SFRP1: variants seen among roughly 807,000 people sequenced by gnomAD.
SFRP1 encodes secreted frizzled-related protein 1.
Under a neutral mutation model 25.9 loss-of-function variants are expected in SFRP1, and 9 were observed. The ratio of observed to expected loss-of-function variants is 0.35; its 90% CI spans 0.21 to 0.61. The LOEUF is 0.61. Ranked by LOEUF, SFRP1 falls within the 20% of genes least tolerant of loss-of-function variation. The pLI is 0.78. For missense variants in SFRP1, 346 were observed against 418.2 expected (o/e 0.83, Z 1.51); for synonymous variants, 178 against 174.0 (o/e 1.02, Z -0.18).
At chr8:41,302,066 A>T (rs1437717842) in intron 2 of SFRP1, among the ~76,000 whole-genome samples, 1 of 152,238 alleles carries the variant, frequency 6.6e-6, no homozygotes, top group Non-Finnish European at 1.5e-5. Flanking sequence ...CTCATGTATT[A>T]CATTTATTTA....
chr8:41,271,782 T>C (rs1186690106), intron 2 of SFRP1, among the ~76,000 whole-genome samples: 1 of 151,296 alleles, frequency 6.6e-6, no homozygotes, highest in Non-Finnish European at 1.5e-5. Flanking sequence ...CTGGGCAATA[T>C]AGTGAGACCC....
chr8:41,281,918 T>A (rs1028851142), intron 2 of SFRP1, among the ~76,000 whole-genome samples: 1 of 152,210 alleles, frequency 6.6e-6, no homozygotes, highest in Non-Finnish European at 1.5e-5. Flanking sequence ...TCGTGCCTCA[T>A]GGTCAACAAA....
At chr8:41,304,625 C>T (rs749302003) in intron 1 of SFRP1, among the ~76,000 whole-genome samples, 6 of 152,134 alleles carry the variant, frequency 3.9e-5, no homozygotes, top group Non-Finnish European at 8.8e-5. Flanking sequence ...GCTCTTCATC[C>T]TCCTCCACCA....
chr8:41,305,860 T>C (rs1803989660), intron 1 of SFRP1, among the ~76,000 whole-genome samples: 1 of 152,142 alleles, frequency 6.6e-6, no homozygotes, highest in South Asian at 2.1e-4. Flanking sequence ...CCCCACAATC[T>C]TCCCTGGCCA....
chr8:41,288,755 T>C (rs181073876), intron 2 of SFRP1, among the ~76,000 whole-genome samples: 10 of 152,294 alleles, frequency 6.6e-5, no homozygotes, highest in Admixed American at 6.5e-5. Context: ...TTCTGAGTTT[T>C]AGAAAGTAAC....
chr8:41,286,330 GGC>G (rs1803700742), intron 2 of SFRP1, among the ~76,000 whole-genome samples: 1 of 152,228 alleles, frequency 6.6e-6, no homozygotes, highest in Non-Finnish European at 1.5e-5. Context: ...CCTGTTCCGA[GGC>G]AGGGGCGGTT....
At chr8:41,305,429 G>A (rs544310669) in intron 1 of SFRP1, among the ~76,000 whole-genome samples, 4 of 152,214 alleles carry the variant, frequency 2.6e-5, no homozygotes, top group African/African-American at 4.8e-5. Flanking sequence ...GCAGGAGCTC[G>A]TTGGGGTGGG....
chr8:41,294,150 C>A (rs1436690850), intron 2 of SFRP1, among the ~76,000 whole-genome samples: 2 of 152,102 alleles, frequency 1.3e-5, no homozygotes, highest in Admixed American at 1.3e-4. Context: ...GTGAGCACAG[C>A]GGGCTGGCAC....
chr8:41,295,491 T>G (rs987839195), intron 2 of SFRP1, among the ~76,000 whole-genome samples: 2 of 150,040 alleles, frequency 1.3e-5, no homozygotes, highest in Non-Finnish European at 1.5e-5. Context: ...ATCACACCAC[T>G]GCACACCAGC....
intron 2 of SFRP1, among the ~76,000 whole-genome samples, chr8:41,274,546 T>G (rs1328381836): frequency 6.6e-6 from 1 of 152,200 alleles, no homozygotes; most frequent in Non-Finnish European, 1.5e-5. Context: ...GCAAGAGAGA[T>G]AAATCTTTAA....
intron 1 of SFRP1, chr8:41,306,636 A>C: frequency 6.7e-7 from 1 of 1,486,766 alleles, no homozygotes; most frequent in East Asian, 2.4e-5. Context: ...ACTGAGGGGA[A>C]AACCAGTCCC....
At chr8:41,298,718 A>G (rs900077050) in intron 2 of SFRP1, among the ~76,000 whole-genome samples, 1 of 152,148 alleles carries the variant, frequency 6.6e-6, no homozygotes, top group African/African-American at 2.4e-5. Context: ...CCCAGCCCCA[A>G]TTACCCAGTT....
rs374927259 is a variant in SFRP1 at position 41,270,255 on chromosome 8, A to G, written c.623-4766T>C. On this transcript the variant is annotated intron_variant, in intron 2 of 2. Transcript: ENST00000220772. ...ACATGGATTAGACTGAGCCCGTGCA[A>G]TCATTCCCACTCTTCTTGAAGTCAG... is the stretch of plus-strand genomic sequence containing the variant. Among the ~76,000 whole-genome samples, 3 of 152,234 alleles carry G rather than the reference A, an allele frequency of 2.0e-5. No homozygotes were observed. In the East Asian group the frequency reaches 5.8e-4, roughly 29 times the overall value.
intron 2 of SFRP1, among the ~76,000 whole-genome samples, chr8:41,301,222 T>C (rs1803912169): frequency 6.6e-6 from 1 of 152,216 alleles, no homozygotes; most frequent in Non-Finnish European, 1.5e-5. Context: ...GGCCACTTAA[T>C]GCAAAGTTTG....
chr8:41,288,399 G>A (rs1013772353), intron 2 of SFRP1, among the ~76,000 whole-genome samples: 8 of 151,642 alleles, frequency 5.3e-5, no homozygotes, highest in Non-Finnish European at 1.0e-4. Context: ...TTAGCTAGGT[G>A]TGATGCTATG....
intron 2 of SFRP1, among the ~76,000 whole-genome samples, chr8:41,286,123 G>A (rs766613458): frequency 2.0e-5 from 3 of 151,872 alleles, no homozygotes; most frequent in Non-Finnish European, 4.4e-5. Flanking sequence ...GGGAATGGGG[G>A]GACAGGGATG....
chr8:41,268,437 A>G (rs532161475), intron 2 of SFRP1, among the ~76,000 whole-genome samples: 2 of 152,306 alleles, frequency 1.3e-5, no homozygotes, highest in South Asian at 4.2e-4. Flanking sequence ...GTTGCTTTCA[A>G]TCACAATTCA....
intron 1 of SFRP1, chr8:41,306,967 C>T: frequency 6.7e-7 from 1 of 1,489,292 alleles, no homozygotes; most frequent in Non-Finnish European, 8.9e-7. Context: ...GCAGCCGAGC[C>T]CCCTAAGGTG....
At position 41,290,886 on chromosome 8, in the gene SFRP1, C is replaced by CTTTTTT. The variant is rs561965318; in HGVS notation, c.622+12569_622+12574dup. 7.9e-3 allele frequency among the ~76,000 whole-genome samples: 427 copies of CTTTTTT among 53,856 alleles called. 152 individuals carry two copies. Among genetic ancestry groups the CTTTTTT allele is most frequent in the Middle Eastern group, 0.029 (2 of 70 alleles). The allele number at this position is 53,856 out of a possible 152,430, so 35.3% of individuals were successfully genotyped here. On this transcript the variant is annotated intron_variant, in intron 2 of 2. Coordinates refer to ENST00000220772, the MANE Select transcript of SFRP1 (RefSeq NM_003012.5). ...GTCTTCTTCTCCTCCTCTTCCTCGT[C>CTTTTTT]TTTTTTTTTTTTTTTTTTTTTTTTT...
Sources: gnomAD v4.1 joint callset for allele counts (sites outside exome capture counted in the v4.1 genomes callset) on GRCh38, gnomAD v4.1.1 for gene constraint, MANE v1.5 for transcripts, NCBI Gene and HGNC (gene_info 2026-07-23, HGNC 2026-07-21) for gene names.